The following ATXN7 variants were observed in gnomAD, a reference collection of about 807,000 sequenced individuals.
The protein encoded by ATXN7 is ataxin 7.
ATXN7 carries 12 observed loss-of-function variants against 70.5 expected under a neutral mutation model. The ratio of observed to expected loss-of-function variants is 0.17; its 90% confidence interval spans 0.11 to 0.28. The LOEUF (loss-of-function observed/expected upper bound fraction) is 0.28. ATXN7 is among the 10% of genes least tolerant of loss of function. The probability of loss-of-function intolerance (pLI) is 1.00; values close to 1 mark genes in which losing one functional copy is unlikely to be tolerated. For synonymous variants in ATXN7, 498 were observed against 448.7 expected (o/e 1.11, Z -1.39); for missense variants, 1,256 against 1,131.7 (o/e 1.11, Z -1.58).
chr3:63,907,483 A>G (rs1703877460), intron 2 of ATXN7, among the ~76,000 whole-genome samples: 1 of 129,876 alleles, frequency 7.7e-6, no homozygotes, highest in Non-Finnish European at 1.6e-5. Flanking sequence ...TTTTTGTAAC[A>G]GGGTCTTGTT....
intron 11 of ATXN7, among the ~76,000 whole-genome samples, chr3:63,993,580 GTTTA>G (rs929579068): frequency 6.6e-5 from 10 of 152,090 alleles, no homozygotes; most frequent in African/African-American, 1.9e-4. Context: ...TCTCTACATA[GTTTA>G]TTTATGCAAA....
chr3:63,884,251 A>G (rs1394002545), intron 1 of ATXN7, among the ~76,000 whole-genome samples: 1 of 151,710 alleles, frequency 6.6e-6, no homozygotes, highest in South Asian at 2.1e-4. Flanking sequence ...ATACTCTCAC[A>G]CACACACACA....
rs1390688620 is a variant in ATXN7, at chr3:63,952,449, G to C, written c.465G>C (p.Gln155His). The change falls in exon 5 of 13, where the codon CAG (glutamine) becomes CAC (histidine). Residue 155 changes from glutamine (Q) to histidine (H), a missense_variant. Coordinates refer to ENST00000674280, the MANE Select transcript of ATXN7 (RefSeq NM_001377405.1). ...FYLVVCNDCNQVVKPQAFQSH... is the reference protein window; with the variant it reads ...FYLVVCNDCNHVVKPQAFQSH... ...TGGTGGTGTGTAACGACTGTAATCA[G>C]GTTGTCAAACCGCAGGCATTTCAAT... 2 of 1,611,896 alleles carry C rather than the reference G, an allele frequency of 1.2e-6. No individual in the cohort carries two copies. The highest frequency in any genetic ancestry group is 2.2e-5 in the South Asian group (2 of 90,776).
intron 5 of ATXN7, among the ~76,000 whole-genome samples, chr3:63,954,740 G>A (rs1347308497): frequency 2.4e-5 from 3 of 127,614 alleles, no homozygotes; most frequent in African/African-American, 6.2e-5. Flanking sequence ...ACGGAGTCTC[G>A]CTCTGTCACC....
At chr3:63,895,183 C>T (rs951502624) in intron 1 of ATXN7, among the ~76,000 whole-genome samples, 3 of 151,932 alleles carry the variant, frequency 2.0e-5, no homozygotes, top group Non-Finnish European at 2.9e-5. Flanking sequence ...TTTTTTCTTT[C>T]GTTTATTGTG....
At chr3:63,996,938 A>T (rs2075770012) in intron 12 of ATXN7, among the ~76,000 whole-genome samples, 1 of 152,164 alleles carries the variant, frequency 6.6e-6, no homozygotes, top group Non-Finnish European at 1.5e-5. Flanking sequence ...CTAAAATCAA[A>T]CTGATCTAGA....
chr3:63,968,919 G>A (rs1158994530), intron 5 of ATXN7, among the ~76,000 whole-genome samples: 1 of 152,168 alleles, frequency 6.6e-6, no homozygotes, highest in Non-Finnish European at 1.5e-5. Context: ...CCAGTTGTAG[G>A]ACTTTAAATA....
At chr3:63,994,101 G>A (rs1174856700) in intron 11 of ATXN7, among the ~76,000 whole-genome samples, 2 of 152,126 alleles carry the variant, frequency 1.3e-5, no homozygotes, top group Admixed American at 6.5e-5. Flanking sequence ...CCCACTCCCC[G>A]CAGAGACGCT....
intron 1 of ATXN7, among the ~76,000 whole-genome samples, chr3:63,869,974 T>G (rs1278136222): frequency 6.6e-6 from 1 of 152,162 alleles, no homozygotes; most frequent in Non-Finnish European, 1.5e-5. Context: ...CCAACAAGCC[T>G]GCACAGGTTT....
intron 5 of ATXN7, among the ~76,000 whole-genome samples, chr3:63,959,895 T>C (rs554077352): frequency 3.9e-4 from 60 of 152,350 alleles, no homozygotes; most frequent in Non-Finnish European, 4.9e-4. Context: ...TGGTGCCTAA[T>C]ATATGCTAGG....
chr3:63,901,222 A>G (rs1703629484), intron 2 of ATXN7: 1 of 152,248 alleles, frequency 6.6e-6, no homozygotes, highest in Admixed American at 6.5e-5. Flanking sequence ...AACTAATTTA[A>G]TAGCTAATTA....
intron 5 of ATXN7, among the ~76,000 whole-genome samples, chr3:63,964,906 A>AT (rs1166616044): frequency 6.6e-6 from 1 of 152,208 alleles, no homozygotes; most frequent in Non-Finnish European, 1.5e-5. Context: ...AAGGCCAATT[A>AT]TAACTCACCC....
chr3:63,865,894 CAAAAAAAAAAAA>C (rs34205947), intron 1 of ATXN7, among the ~76,000 whole-genome samples: 337 of 16,540 alleles, frequency 0.02, 2 homozygotes, highest in Middle Eastern at 0.062. Context: ...GACTCCATCT[CAAAAAAAAAAAA>C]AAAAAAAAAA....
intron 4 of ATXN7, among the ~76,000 whole-genome samples, chr3:63,935,103 C>T (rs1310432532): frequency 6.6e-6 from 1 of 152,046 alleles, no homozygotes; most frequent in Admixed American, 6.5e-5. Flanking sequence ...TAGTAGGTAG[C>T]TTAGTAAAGG....
intron 8 of ATXN7, among the ~76,000 whole-genome samples, chr3:63,984,783 T>G (rs1447051790): frequency 6.6e-6 from 1 of 152,222 alleles, no homozygotes; most frequent in Non-Finnish European, 1.5e-5. Context: ...AGTAACTCCT[T>G]ATTTCGCTCT....
chr3:63,995,109 A>C (rs910131053), intron 11 of ATXN7, among the ~76,000 whole-genome samples: 2 of 152,180 alleles, frequency 1.3e-5, no homozygotes, highest in African/African-American at 2.4e-5. Context: ...ACGGTAATTA[A>C]GCTGGGGATG....
In ATXN7 at chr3:63,926,898, G is replaced by C. The variant is rs565878608; in HGVS notation, c.394+13673G>C. Among the ~76,000 whole-genome samples, 7 of 152,120 alleles carry C rather than the reference G, an allele frequency of 4.6e-5. No homozygotes were observed. The South Asian group carries it at 8.3e-4, about 18-fold the overall frequency. ...TTCTCATTGTTCAACTCCTACTTATGGGTGAGAACATGCGGTGTTTGGTTT... is the reference window on the plus strand; with the variant it reads ...TTCTCATTGTTCAACTCCTACTTATCGGTGAGAACATGCGGTGTTTGGTTT... On this transcript the variant is annotated intron_variant, in intron 4 of 12. Transcript: ENST00000674280.
chr3:63,970,351 C>T (rs1353220230), intron 5 of ATXN7, among the ~76,000 whole-genome samples: 44 of 152,122 alleles, frequency 2.9e-4, no homozygotes, highest in Admixed American at 2.9e-3. Flanking sequence ...CCTTCAGGAA[C>T]TGAACTGATC....
chr3:63,958,995 T>C (rs1026835379), intron 5 of ATXN7, among the ~76,000 whole-genome samples: 26 of 152,212 alleles, frequency 1.7e-4, no homozygotes, highest in Non-Finnish European at 2.2e-4. Context: ...CTAGCTGAAG[T>C]AGAATTTTAA....
Sources: allele counts gnomAD v4.1 joint callset (sites outside exome capture counted in the v4.1 genomes callset), GRCh38; gene constraint gnomAD v4.1.1; transcripts MANE v1.5; gene names NCBI Gene and HGNC (gene_info 2026-07-23, HGNC 2026-07-21).